IPO11: variants seen among roughly 807,000 people sequenced by gnomAD.
IPO11 encodes the protein importin 11.
Under a neutral mutation model 143.2 loss-of-function variants are expected in IPO11, and 66 were observed. The observed-to-expected ratio is 0.46, with a 90% confidence interval of 0.38 to 0.57. The LOEUF is 0.57. Ranked by LOEUF, IPO11 falls within the 20% of genes least tolerant of loss-of-function variation. The probability of loss-of-function intolerance (pLI) is 0.00; values close to 1 mark genes in which losing one functional copy is unlikely to be tolerated. For missense variants in IPO11, 1,026 were observed against 1,141.0 expected, an observed-to-expected ratio of 0.90 and a Z score of 1.45; for synonymous variants, 385 against 377.8, an observed-to-expected ratio of 1.02 and a Z score of -0.22.
intron 27 of IPO11, chr5:62,579,704 T>C (rs1744467763): frequency 6.5e-7 from 1 of 1,548,406 alleles, no homozygotes; most frequent in African/African-American, 1.4e-5. Context: ...CTTGTAGCAT[T>C]GTATTTGGAT....
intron 28 of IPO11, 32 bp downstream of exon 28, chr5:62,591,704 A>G (rs753656513): frequency 7.2e-7 from 1 of 1,391,434 alleles, no homozygotes; most frequent in Non-Finnish European, 1.0e-6. Flanking sequence ...TCATAATTGG[A>G]CTTGGGGGAT....
chr5:62,419,308 A>G (rs1488282630), intron 1 of IPO11, among the ~76,000 whole-genome samples: 1 of 152,222 alleles, frequency 6.6e-6, no homozygotes, highest in Non-Finnish European at 1.5e-5. Context: ...CTAGGGCATT[A>G]TTGTACACTT....
At chr5:62,504,517 G>C in intron 16 of IPO11, 150 bp from the exon 17 acceptor site, 1 of 531,252 alleles carries the variant, frequency 1.9e-6, no homozygotes, top group Non-Finnish European at 3.3e-6. Context: ...GATAAGGAGA[G>C]TATCCCTTTA....
In IPO11 at chr5:62,437,421, AGTT is replaced by A. The variant is rs772478045; in HGVS notation, c.138+8_138+10del. 5 of 1,596,558 alleles carry A rather than the reference AGTT, an allele frequency of 3.1e-6. No individual in the cohort carries two copies. In the African/African-American group the frequency reaches 4.0e-5, roughly 13 times the overall value. On this transcript the variant is annotated splice_donor_5th_base_variant and intron_variant, in intron 2 of 29. Transcript: ENST00000325324. ...AGGTTTCTATTCAGTGTTGCTGGTA[AGTT>A]GTTCTAAAATTGTTTGCTTTTCTTT...
intron 1 of IPO11, among the ~76,000 whole-genome samples, chr5:62,415,283 C>T (rs1372166744): frequency 1.3e-5 from 2 of 151,810 alleles, no homozygotes; most frequent in Admixed American, 6.6e-5. Context: ...CCTGCCTCAG[C>T]CTCCAGAGTA....
At chr5:62,536,111 G>C (rs1742724869) in intron 22 of IPO11, among the ~76,000 whole-genome samples, 1 of 152,080 alleles carries the variant, frequency 6.6e-6, no homozygotes, top group African/African-American at 2.4e-5. Context: ...AATTTTTTTG[G>C]AGTGTGATCA....
intron 9 of IPO11, among the ~76,000 whole-genome samples, chr5:62,480,811 T>G (rs2112218737): frequency 6.6e-6 from 1 of 152,276 alleles, no homozygotes; most frequent in South Asian, 2.1e-4. Context: ...CTGAAGTTGC[T>G]TATCAGCTTA....
chr5:62,489,255 A>T, intron 13 of IPO11, 47 bp from the exon 14 acceptor site: 1 of 1,111,666 alleles, frequency 9.0e-7, no homozygotes, highest in Non-Finnish European at 1.3e-6. Context: ...TTAAAAAACT[A>T]GTTTTATTTG....
chr5:62,606,043 T>G (rs1300579451), intron 29 of IPO11, among the ~76,000 whole-genome samples: 1 of 152,114 alleles, frequency 6.6e-6, no homozygotes, highest in African/African-American at 2.4e-5. Context: ...TTTTTTCATA[T>G]TATTACTTGG....
At chr5:62,501,656 A>G (rs1741351848) in intron 16 of IPO11, among the ~76,000 whole-genome samples, 1 of 152,174 alleles carries the variant, frequency 6.6e-6, no homozygotes, top group South Asian at 2.1e-4. Context: ...ATGATACCAG[A>G]TTGTATAATT....
chr5:62,412,804 A>T lies in IPO11; in HGVS notation c.-132A>T, dbSNP rs1340012262. Reference sequence around the variant, plus strand: ...ACGCCAAACATGGCGTGTTCCTAGAAGCCGCTTTCGGCATCAGTAGGCGGC... The same window carrying T: ...ACGCCAAACATGGCGTGTTCCTAGATGCCGCTTTCGGCATCAGTAGGCGGC... On this transcript the variant is annotated 5_prime_UTR_variant, in exon 1 of 30. In the 5' UTR this introduces an upstream ATG that the reference lacks. Transcript: ENST00000325324. 6.5e-6 allele frequency: 1 copy of T among 152,688 alleles called. No individual in the cohort carries two copies. 9.5% of individuals were successfully genotyped at this position (152,688 alleles called of 1,614,324 possible). A position where few individuals can be genotyped will look rare whatever the true frequency, so the allele number is the denominator to read the frequency against.
chr5:62,491,921 T>C (rs1209033827), intron 15 of IPO11, among the ~76,000 whole-genome samples: 1 of 152,110 alleles, frequency 6.6e-6, no homozygotes, highest in East Asian at 1.9e-4. Context: ...CTGCCCGCCT[T>C]GGCCTCCCAA....
At chr5:62,419,230 A>C in intron 1 of IPO11, 1 of 1,282,066 alleles carries the variant, frequency 7.8e-7, no homozygotes, top group Non-Finnish European at 1.0e-6. Flanking sequence ...CTTACCTCGA[A>C]TGGAGCTTGG....
intron 20 of IPO11, among the ~76,000 whole-genome samples, chr5:62,519,255 T>C (rs1742129550): frequency 6.6e-6 from 1 of 152,224 alleles, no homozygotes; most frequent in South Asian, 2.1e-4. Context: ...TTAAGGTTTA[T>C]ATATTGATCA....
intron 29 of IPO11, among the ~76,000 whole-genome samples, chr5:62,604,673 C>A (rs1271321871): frequency 2.0e-5 from 3 of 151,856 alleles, no homozygotes; most frequent in African/African-American, 7.3e-5. Flanking sequence ...TTTTAAGTGG[C>A]CGATTTTAAG....
At chr5:62,475,109 T>C (rs1471481384) in intron 8 of IPO11, among the ~76,000 whole-genome samples, 1 of 152,128 alleles carries the variant, frequency 6.6e-6, no homozygotes, top group Non-Finnish European at 1.5e-5. Flanking sequence ...GAATTTGCCT[T>C]GTTGCCAGGC....
At chr5:62,568,574 CAAAAAAAAAA>C (rs66748975) in intron 27 of IPO11, among the ~76,000 whole-genome samples, 1 of 51,896 alleles carries the variant, frequency 1.9e-5, no homozygotes, top group Non-Finnish European at 3.2e-5. Context: ...ACTCTGTCTC[CAAAAAAAAAA>C]AAAAAAAAAA....
chr5:62,515,306 A>T, intron 19 of IPO11, 82 bp from the exon 20 acceptor site: 1 of 805,342 alleles, frequency 1.2e-6, no homozygotes, highest in South Asian at 1.7e-5. Flanking sequence ...CTGGGACTTA[A>T]TAGTGCTCTC....
intron 26 of IPO11, among the ~76,000 whole-genome samples, chr5:62,555,232 A>C (rs1242539811): frequency 6.6e-6 from 1 of 151,394 alleles, no homozygotes; most frequent in Non-Finnish European, 1.5e-5. Flanking sequence ...TCACCAATTC[A>C]CGAACATGGT....
Sources: gnomAD v4.1 joint callset for allele counts (sites outside exome capture counted in the v4.1 genomes callset) on GRCh38, gnomAD v4.1.1 for gene constraint, MANE v1.5 for transcripts, NCBI Gene and HGNC (gene_info 2026-07-23, HGNC 2026-07-21) for gene names.